The following MCUR1 variants were observed in gnomAD, a reference collection of about 807,000 sequenced individuals.
MCUR1 encodes the protein MCU regulator 1.
In MCUR1, 37 loss-of-function variants were observed where a neutral mutation model predicts 42.0. That is an observed-to-expected ratio of 0.88 (90% CI 0.68 to 1.16). The LOEUF (loss-of-function observed/expected upper bound fraction) is 1.16. Among genes scored for constraint, MCUR1 ranks in the 50% most tolerant of loss-of-function variants. The pLI is 0.00. For synonymous variants in MCUR1, 229 were observed against 196.2 expected, an observed-to-expected ratio of 1.17 and a Z score of -1.40; for missense variants, 469 against 468.4, an observed-to-expected ratio of 1.00 and a Z score of -0.01.
intron 1 of MCUR1, among the ~76,000 whole-genome samples, chr6:13,808,536 G>T (rs185163185): frequency 6.6e-6 from 1 of 152,236 alleles, no homozygotes; most frequent in East Asian, 1.9e-4. Context: ...TGTTGCCTGT[G>T]CTTTTTTCTT....
chr6:13,801,315 T>C lies in MCUR1; in HGVS notation c.714A>G (p.Glu238=). 6.2e-7 allele frequency: 1 copy of C among 1,613,138 alleles called. No individual in the cohort carries two copies. The highest frequency in any genetic ancestry group is 1.7e-4 in the Middle Eastern group (1 of 6,058). The change falls in exon 4 of 9, where the codon GAA becomes GAG. Residue 238 remains glutamate (E), a synonymous_variant. Transcript: ENST00000379170. The part of the protein sequence containing the change: ...KKDMIILEKS[E]FSALRAENEK... Reference sequence around the variant, plus strand: ...CATTTTCTGCTCTGAGGGCTGAAAATTCACTCTTCTCCAAAATAATCATAT... The same window carrying C: ...CATTTTCTGCTCTGAGGGCTGAAAACTCACTCTTCTCCAAAATAATCATAT...
chr6:13,814,295 G>A lies in MCUR1; in HGVS notation c.135C>T (p.Leu45=). The change falls in exon 1 of 9, where the codon CTC becomes CTT. Residue 45 remains leucine (L), a synonymous_variant. Coordinates refer to ENST00000379170, the MANE Select transcript of MCUR1 (RefSeq NM_001031713.4). ...GGCGCAGCGCCCCCAGACCGTCGGA[G>A]AGCGCAGAGAGGCAGCGGCGTGCTG... ...ETSARRCLSA[L]SDGLGALRPR... is the part of the protein sequence containing the mutation. 1 of 1,499,492 alleles carries A rather than the reference G, an allele frequency of 6.7e-7. No homozygotes were observed. The highest frequency in any genetic ancestry group is 8.8e-7 in the Non-Finnish European group (1 of 1,130,624). 92.9% of individuals were successfully genotyped at this position (1,499,492 alleles called of 1,614,324 possible). A position where few individuals can be genotyped will look rare whatever the true frequency, so the allele number is the denominator to read the frequency against.
chr6:13,799,862 G>A (rs531811109), intron 5 of MCUR1, among the ~76,000 whole-genome samples: 16 of 92,422 alleles, frequency 1.7e-4, no homozygotes, highest in African/African-American at 3.3e-4. Context: ...AGACAGTTTC[G>A]TTCTTGTTAC....
chr6:13,793,779 A>G (rs902750060), intron 7 of MCUR1, 115 bp downstream of exon 7: 1 of 870,012 alleles, frequency 1.1e-6, no homozygotes, highest in Non-Finnish European at 1.8e-6. Flanking sequence ...AATGTAAAAA[A>G]TTCCCATGAC....
intron 8 of MCUR1, 74 bp downstream of exon 8, chr6:13,791,804 A>G (rs1759733450): frequency 1.1e-6 from 1 of 918,956 alleles, no homozygotes; most frequent in Non-Finnish European, 1.7e-6. Context: ...AATGAAATGC[A>G]GTATCTGTCA....
intron 7 of MCUR1, among the ~76,000 whole-genome samples, chr6:13,793,625 G>C (rs561661474): frequency 1.3e-5 from 2 of 152,184 alleles, no homozygotes; most frequent in Admixed American, 1.3e-4. Flanking sequence ...AAAGGGTGCA[G>C]AGTTTCAATT....
In MCUR1 at chr6:13,812,339, TCTCTG is replaced by T. The variant is rs373007094; in HGVS notation, c.415+1671_415+1675del. Reference sequence around the variant, plus strand: ...GGGCATACATGCTTCCTTAACTGTGTCTCTGCTCTCTTCTGTTTTTATGCATCCAT... The same window carrying T: ...GGGCATACATGCTTCCTTAACTGTGTCTCTCTTCTGTTTTTATGCATCCAT... On this transcript the variant is annotated intron_variant, in intron 1 of 8. Coordinates refer to ENST00000379170, the MANE Select transcript of MCUR1 (RefSeq NM_001031713.4). Among the ~76,000 whole-genome samples, 525 of 152,284 alleles carry T rather than the reference TCTCTG, an allele frequency of 3.4e-3. 4 individuals are homozygous for T. Among genetic ancestry groups the T allele is most frequent in the African/African-American group, 0.012 (496 of 41,550 alleles).
Position 13,789,939 on chromosome 6 carries a change from TAAC to T in MCUR1, c.*867_*869del, listed in dbSNP as rs1158361505. ...CTGGAAGGCACATTAAAAATAACCC[TAAC>T]AATAACTTACCAAGACAATGGAAAT... On this transcript the variant is annotated 3_prime_UTR_variant, in exon 9 of 9. Transcript: ENST00000379170. 1 of 152,098 alleles carries T rather than the reference TAAC, an allele frequency of 6.6e-6. No individual in the cohort carries two copies. Among genetic ancestry groups the T allele is most frequent in the East Asian group, 1.9e-4 (1 of 5,196 alleles). 9.4% of individuals were successfully genotyped at this position (152,098 alleles called of 1,614,324 possible).
At chr6:13,808,912 T>C (rs951035550) in intron 1 of MCUR1, among the ~76,000 whole-genome samples, 1 of 152,216 alleles carries the variant, frequency 6.6e-6, no homozygotes, top group Non-Finnish European at 1.5e-5. Context: ...TGTTTTAAGT[T>C]TGACATCAGA....
chr6:13,805,676 G>A (rs912046228), intron 2 of MCUR1, among the ~76,000 whole-genome samples: 1 of 152,162 alleles, frequency 6.6e-6, no homozygotes, highest in Non-Finnish European at 1.5e-5. Context: ...ACAGAGAGTA[G>A]CTTTTCTGAC....
chr6:13,804,061 C>T, intron 2 of MCUR1: 1 of 961,716 alleles, frequency 1.0e-6, no homozygotes, highest in Non-Finnish European at 1.2e-6. Flanking sequence ...TGGTTCACGC[C>T]TGTAATCCCA....
At chr6:13,795,191 C>T (rs1207402630) in intron 6 of MCUR1, among the ~76,000 whole-genome samples, 2 of 151,678 alleles carry the variant, frequency 1.3e-5, no homozygotes, top group Non-Finnish European at 2.9e-5. Context: ...AAACCCTAAG[C>T]CAAGGAGTAG....
Position 13,814,412 on chromosome 6 carries a change from G to T in MCUR1, c.18C>A (p.Val6=), listed in dbSNP as rs759429900. 3.3e-6 allele frequency: 5 copies of T among 1,538,418 alleles called. No individual in the cohort carries two copies. The highest frequency in any genetic ancestry group is 2.5e-5 in the East Asian group (1 of 39,308). Residue 6 remains valine (V), a synonymous_variant, in exon 1 of 9, where the codon GTC becomes GTA. Transcript: ENST00000379170. MDCGS[V]GGQRTQRLPG... is the part of the protein sequence containing the mutation. Reference sequence around the variant, plus strand: ...GCAGGCGCTGGGTCCTCTGGCCGCCGACCGAGCCGCAGTCCATCCCCGAGC... The same window carrying T: ...GCAGGCGCTGGGTCCTCTGGCCGCCTACCGAGCCGCAGTCCATCCCCGAGC...
chr6:13,797,722 A>G (rs1759889318), intron 6 of MCUR1, among the ~76,000 whole-genome samples: 3 of 138,064 alleles, frequency 2.2e-5, no homozygotes, highest in East Asian at 2.2e-4. Context: ...AAAAACAAAG[A>G]AAAAAAAAAC....
At position 13,814,421 on chromosome 6, in the gene MCUR1, G is replaced by T; in HGVS notation, c.9C>A (p.Cys3Ter). 6 of 1,538,848 alleles carry T rather than the reference G, an allele frequency of 3.9e-6. No individual in the cohort carries two copies. Among genetic ancestry groups the T allele is most frequent in the South Asian group, 1.2e-5 (1 of 84,096 alleles). ...GGGTCCTCTGGCCGCCGACCGAGCC[G>T]CAGTCCATCCCCGAGCAGTTCACTG... MD[C>*]GSVGGQRTQR... The change falls in exon 1 of 9, where the codon TGC (cysteine) becomes TGA (stop). Residue 3 changes from cysteine (C) to a stop codon, truncating the protein, a stop_gained. Coordinates refer to ENST00000379170, the MANE Select transcript of MCUR1 (RefSeq NM_001031713.4). LOFTEE classifies it high-confidence loss of function.
At chr6:13,811,845 A>G (rs1049820088) in intron 1 of MCUR1, among the ~76,000 whole-genome samples, 6 of 151,348 alleles carry the variant, frequency 4.0e-5, no homozygotes, top group African/African-American at 1.5e-4. Flanking sequence ...TGTAACGCCA[A>G]TTTGGATACT....
intron 1 of MCUR1, among the ~76,000 whole-genome samples, chr6:13,813,065 A>G (rs970371851): frequency 6.6e-6 from 1 of 152,232 alleles, no homozygotes; most frequent in African/African-American, 2.4e-5. Context: ...CATTGTGTTC[A>G]GATTGCCTCT....
chr6:13,797,742 G>A (rs1759889748), intron 6 of MCUR1, among the ~76,000 whole-genome samples: 1 of 151,290 alleles, frequency 6.6e-6, no homozygotes, highest in African/African-American at 2.4e-5. Context: ...CACACTTGCC[G>A]GCCAGGCGCA....
At position 13,787,600 on chromosome 6, in the gene MCUR1, AATG is replaced by A. The variant is rs112540233; in HGVS notation, c.*3206_*3208del. On this transcript the variant is annotated 3_prime_UTR_variant, in exon 9 of 9. Coordinates refer to ENST00000379170, the MANE Select transcript of MCUR1 (RefSeq NM_001031713.4). ...GAGGAATGCAGAGAAGCCCTCCAAG[AATG>A]ATGAGTGATTCGTGCAGGAGAGGGA... is the stretch of plus-strand genomic sequence containing the variant. 47 of 152,328 alleles carry A rather than the reference AATG, an allele frequency of 3.1e-4. No individual in the cohort carries two copies. Among genetic ancestry groups the A allele is most frequent in the African/African-American group, 1.0e-3 (43 of 41,580 alleles). The allele number at this position is 152,328 out of a possible 1,614,324, so 9.4% of individuals were successfully genotyped here.
Sources: allele counts gnomAD v4.1 joint callset (sites outside exome capture counted in the v4.1 genomes callset), GRCh38; gene constraint gnomAD v4.1.1; transcripts MANE v1.5; gene names NCBI Gene and HGNC (gene_info 2026-07-23, HGNC 2026-07-21).